PHLPP1: variants seen among roughly 807,000 people sequenced by gnomAD.
PHLPP1 encodes the protein PH domain and leucine rich repeat protein phosphatase 1.
PHLPP1 carries 42 observed loss-of-function variants against 117.2 expected under a neutral mutation model. The ratio of observed to expected loss-of-function variants is 0.36; its 90% CI spans 0.28 to 0.46. The LOEUF is 0.46. PHLPP1 is among the 20% of genes least tolerant of loss of function. The pLI, the probability that PHLPP1 is intolerant of heterozygous loss-of-function variation, is 1.00. For missense variants in PHLPP1, 2,084 were observed against 2,241.9 expected (o/e 0.93, Z 1.42); for synonymous variants, 1,042 against 970.7 (o/e 1.07, Z -1.37).
intron 3 of PHLPP1, among the ~76,000 whole-genome samples, chr18:62,857,053 G>T (rs2144358707): frequency 6.6e-6 from 1 of 152,194 alleles, no homozygotes; most frequent in Non-Finnish European, 1.5e-5. Flanking sequence ...GGCTCACCTA[G>T]AACGGTAATT....
intron 1 of PHLPP1, among the ~76,000 whole-genome samples, chr18:62,817,824 A>T (rs1828228417): frequency 6.6e-6 from 1 of 151,322 alleles, no homozygotes; most frequent in Admixed American, 6.6e-5. Flanking sequence ...AATGCAGAAC[A>T]TGCTAGGACT....
intron 1 of PHLPP1, among the ~76,000 whole-genome samples, chr18:62,795,492 C>CAAAAAAAA (rs11291832): frequency 1.6e-5 from 1 of 61,396 alleles, no homozygotes; most frequent in African/African-American, 6.1e-5. Flanking sequence ...GACTCCATCT[C>CAAAAAAAA]AAAAAAAAAA....
intron 4 of PHLPP1, 21 bp downstream of exon 4, chr18:62,860,622 A>G (rs780009916): frequency 6.3e-7 from 1 of 1,597,892 alleles, no homozygotes; most frequent in South Asian, 1.1e-5. Context: ...AGAAATGGGT[A>G]GATCATTAGG....
chr18:62,755,796 A>T (rs1311033623), intron 1 of PHLPP1, among the ~76,000 whole-genome samples: 2 of 152,162 alleles, frequency 1.3e-5, no homozygotes, highest in Non-Finnish European at 2.9e-5. Context: ...TGCTGGTAAG[A>T]TAGTTTGTAT....
At chr18:62,859,817 G>A (rs1915588169) in intron 3 of PHLPP1, among the ~76,000 whole-genome samples, 1 of 152,138 alleles carries the variant, frequency 6.6e-6, no homozygotes, top group Non-Finnish European at 1.5e-5. Flanking sequence ...AAACCTGATG[G>A]AATAATCTAT....
chr18:62,822,731 C>A (rs571627496), intron 1 of PHLPP1, among the ~76,000 whole-genome samples: 198 of 152,246 alleles, frequency 1.3e-3, no homozygotes, highest in African/African-American at 4.5e-3. Context: ...TGTAACTGTG[C>A]TTTTTTACAG....
intron 1 of PHLPP1, among the ~76,000 whole-genome samples, chr18:62,791,675 A>AGATAGT (rs1447244875): frequency 6.6e-6 from 1 of 152,244 alleles, no homozygotes. Flanking sequence ...TAGGAAAGCA[A>AGATAGT]GATAGTACAG....
intron 2 of PHLPP1, chr18:62,838,089 TG>T (rs1400142379): frequency 6.6e-6 from 1 of 152,108 alleles, no homozygotes; most frequent in Non-Finnish European, 1.5e-5. Context: ...AATTTCCCTT[TG>T]TATATCTTCT....
At chr18:62,793,705 T>C (rs549109558) in intron 1 of PHLPP1, among the ~76,000 whole-genome samples, 1 of 152,336 alleles carries the variant, frequency 6.6e-6, no homozygotes, top group East Asian at 1.9e-4. Flanking sequence ...TGATTGAATT[T>C]GTAACTTGCC....
chr18:62,935,830 C>A (rs1909952323), intron 10 of PHLPP1, among the ~76,000 whole-genome samples: 1 of 151,984 alleles, frequency 6.6e-6, no homozygotes, highest in African/African-American at 2.4e-5. Flanking sequence ...GTGGCAAAAC[C>A]CCGTCTCTAC....
At chr18:62,792,492 C>G (rs1913489440) in intron 1 of PHLPP1, among the ~76,000 whole-genome samples, 1 of 152,126 alleles carries the variant, frequency 6.6e-6, no homozygotes, top group Non-Finnish European at 1.5e-5. Context: ...CTCTTCTAAC[C>G]TACTCCTTGC....
intron 4 of PHLPP1, among the ~76,000 whole-genome samples, chr18:62,883,473 G>A (rs769142211): frequency 2.0e-5 from 3 of 152,166 alleles, no homozygotes; most frequent in Non-Finnish European, 2.9e-5. Context: ...CAACTTTACT[G>A]CAAAATAAAA....
chr18:62,752,997 A>G (rs1339807804), intron 1 of PHLPP1, among the ~76,000 whole-genome samples: 2 of 152,266 alleles, frequency 1.3e-5, no homozygotes, highest in African/African-American at 2.4e-5. Context: ...TTTAAAAATT[A>G]TAAACAAAGA....
At chr18:62,834,487 A>C (rs117854247) in intron 2 of PHLPP1, among the ~76,000 whole-genome samples, 4 of 152,306 alleles carry the variant, frequency 2.6e-5, no homozygotes, top group Non-Finnish European at 4.4e-5. Flanking sequence ...CACAATTCCT[A>C]TAATGATCTC....
At chr18:62,903,265 G>A in intron 7 of PHLPP1, 99 bp downstream of exon 7, 1 of 788,236 alleles carries the variant, frequency 1.3e-6, no homozygotes, top group Non-Finnish European at 2.0e-6. Flanking sequence ...CAAGTAGTTA[G>A]TAAAATAGCT....
At position 62,958,611 on chromosome 18, in the gene PHLPP1, C is replaced by T. The variant is rs1235515203; in HGVS notation, c.3325-18C>T. On this transcript the variant is annotated intron_variant, in intron 12 of 16. Coordinates refer to ENST00000262719, the MANE Select transcript of PHLPP1 (RefSeq NM_194449.4). Reference sequence around the variant, plus strand: ...CTCTAGACCATCTCTTTCTTGTTTGCACTTGTTCTTTTTTCAGTGTGTGGA... The same window carrying T: ...CTCTAGACCATCTCTTTCTTGTTTGTACTTGTTCTTTTTTCAGTGTGTGGA... The T allele has an allele frequency of 6.2e-7, 1 of 1,613,164 alleles. No homozygotes were observed. The highest frequency in any genetic ancestry group is 1.3e-5 in the African/African-American group (1 of 74,862).
At chr18:62,743,469 A>G (rs1290565783) in intron 1 of PHLPP1, among the ~76,000 whole-genome samples, 1 of 152,106 alleles carries the variant, frequency 6.6e-6, no homozygotes. Flanking sequence ...TTTGAAACTA[A>G]TCCTAGATCT....
At chr18:62,973,419 TA>T (rs2144491415) in intron 15 of PHLPP1, among the ~76,000 whole-genome samples, 1 of 152,334 alleles carries the variant, frequency 6.6e-6, no homozygotes, top group Non-Finnish European at 1.5e-5. Context: ...ATTGCCTGTC[TA>T]TAAGTATTGT....
intron 1 of PHLPP1, among the ~76,000 whole-genome samples, chr18:62,825,747 C>T (rs1399001877): frequency 2.6e-5 from 4 of 152,098 alleles, no homozygotes; most frequent in African/African-American, 9.7e-5. Context: ...AGCCACTGCA[C>T]CTGGCCCAGA....
Sources: allele counts gnomAD v4.1 joint callset (sites outside exome capture counted in the v4.1 genomes callset), GRCh38; gene constraint gnomAD v4.1.1; transcripts MANE v1.5; gene names NCBI Gene and HGNC (gene_info 2026-07-23, HGNC 2026-07-21).